Variants in MED13 observed in about 807,000 individuals in gnomAD.
MED13 encodes the protein mediator complex subunit 13.
In MED13, 23 loss-of-function variants were observed where a neutral mutation model predicts 225.2. The ratio of observed to expected loss-of-function variants is 0.10; its 90% CI spans 0.07 to 0.14. The LOEUF is 0.14. Among genes scored for constraint, MED13 ranks in the 10% least tolerant of loss-of-function variants. The pLI, the probability that MED13 is intolerant of heterozygous loss-of-function variation, is 1.00. For missense variants in MED13, 2,197 were observed against 2,594.5 expected, an observed-to-expected ratio of 0.85 and a Z score of 3.33; for synonymous variants, 942 against 889.2, an observed-to-expected ratio of 1.06 and a Z score of -1.06.
At chr17:61,992,702 T>C in intron 10 of MED13, 81 bp from the exon 11 acceptor site, 1 of 924,920 alleles carries the variant, frequency 1.1e-6, no homozygotes, top group Non-Finnish European at 1.8e-6. Flanking sequence ...GAGCTGTGTG[T>C]CAGGCATCCA....
rs2080738995 is a variant in MED13 at position 62,029,935 on chromosome 17, T to A, written c.1088A>T (p.His363Leu). 5.6e-6 allele frequency: 9 copies of A among 1,613,942 alleles called. No individual in the cohort carries two copies. Among genetic ancestry groups the A allele is most frequent in the Non-Finnish European group, 7.6e-6 (9 of 1,180,008 alleles). The change falls in exon 7 of 30, where the codon CAT (histidine) becomes CTT (leucine). Residue 363 changes from histidine to leucine, a missense_variant. His to Leu is a moderately conservative substitution (Grantham distance 99). Around this residue, in one of 12 missense-constraint regions of MED13, gnomAD observed 884 missense variants for 918.5 expected, o/e 0.96. Transcript: ENST00000397786. ...DGFNSDSTSH[H>L]GGKIPRKLAN... ...TAATTTTCTGGGTATTTTCCCACCA[T>A]GGTGGCTAGTACTATCGGAGTTGAA...
In MED13 at chr17:61,950,836, G is replaced by T; in HGVS notation, c.6280C>A (p.Leu2094Ile). 1 of 1,610,310 alleles carries T rather than the reference G, an allele frequency of 6.2e-7. No individual in the cohort carries two copies. The highest frequency in any genetic ancestry group is 8.5e-7 in the Non-Finnish European group (1 of 1,178,216). The change falls in exon 28 of 30, where the codon CTT (leucine) becomes ATT (isoleucine). Residue 2094 changes from leucine to isoleucine, a missense_variant. Transcript: ENST00000397786. ...AGAAATGGCAATACCTTAAGAAAAAGGGGACACTGATATTGTGCTTGAGGA... is the reference window on the plus strand; with the variant it reads ...AGAAATGGCAATACCTTAAGAAAAATGGGACACTGATATTGTGCTTGAGGA... ...ACPQAQYQCP[L>I]FLKASLHLHV... is the part of the protein sequence containing the mutation.
intron 8 of MED13, among the ~76,000 whole-genome samples, chr17:62,014,717 G>A (rs559670496): frequency 1.5e-3 from 225 of 152,262 alleles, no homozygotes; most frequent in Non-Finnish European, 2.7e-3. Flanking sequence ...CTGGAATGCA[G>A]TACAATCATA....
chr17:61,944,417 CATA>C lies in MED13; in HGVS notation c.*2048_*2050del, dbSNP rs1243522133. The C allele has an allele frequency of 6.8e-6, 1 of 147,206 alleles. No individual in the cohort carries two copies. The highest frequency in any genetic ancestry group is 1.5e-5 in the Non-Finnish European group (1 of 67,250). 9.1% of individuals were successfully genotyped at this position (147,206 alleles called of 1,614,324 possible). On this transcript the variant is annotated 3_prime_UTR_variant, in exon 30 of 30. Coordinates refer to ENST00000397786, the MANE Select transcript of MED13 (RefSeq NM_005121.3). The stretch of plus-strand genomic sequence containing the variant: ...GAAAGTACAGAACAAAACATACCAA[CATA>C]ATGTGTGGTGTATTAGCATAATTTA...
At position 61,982,634 on chromosome 17, in the gene MED13, G is replaced by A. The variant is rs1156683608; in HGVS notation, c.3369C>T (p.Thr1123=). Reference sequence around the variant, plus strand: ...TGTTCATGACAGCACTGAAGCCACAGGTACACCTATATTGTGCTTCCTGCG... The same window carrying A: ...TGTTCATGACAGCACTGAAGCCACAAGTACACCTATATTGTGCTTCCTGCG... ...DPTQEAQYRC[T]CGFSAVMNRK... is the part of the protein sequence containing the mutation. Residue 1123 remains threonine, a synonymous_variant, in exon 16 of 30, where the codon ACC becomes ACT. Transcript: ENST00000397786. The A allele has an allele frequency of 1.9e-6, 3 of 1,614,112 alleles. No individual in the cohort carries two copies. Among genetic ancestry groups the A allele is most frequent in the South Asian group, 1.1e-5 (1 of 91,078 alleles).
chr17:62,044,626 T>A (rs2080882935), intron 3 of MED13, among the ~76,000 whole-genome samples: 1 of 152,244 alleles, frequency 6.6e-6, no homozygotes, highest in African/African-American at 2.4e-5. Flanking sequence ...CATAATGTAA[T>A]ATAGACATAC....
intron 20 of MED13, among the ~76,000 whole-genome samples, chr17:61,963,887 G>C (rs1239895086): frequency 6.6e-6 from 1 of 152,176 alleles, no homozygotes; most frequent in Admixed American, 6.5e-5. Flanking sequence ...AATGAGAGCT[G>C]TCATAATCAT....
At chr17:61,996,940 C>T (rs2080351930) in intron 9 of MED13, among the ~76,000 whole-genome samples, 1 of 152,160 alleles carries the variant, frequency 6.6e-6, no homozygotes, top group South Asian at 2.1e-4. Flanking sequence ...CTAAAAATCA[C>T]AGACTGAGAT....
Position 61,947,135 on chromosome 17 carries a change from T to G in MED13, c.6292-118A>C. The G allele has an allele frequency of 1.1e-5, 7 of 626,032 alleles. No individual in the cohort carries two copies. In the East Asian group the frequency reaches 2.1e-4, roughly 18 times the overall value. The allele number at this position is 626,032 out of a possible 1,614,324, so 38.8% of individuals were successfully genotyped here. ...GATGAAATACATTTTAGTCCTATGT[T>G]ATGAATGAAAGCCACTATAAAAATG... On this transcript the variant is annotated intron_variant, in intron 28 of 29. Coordinates refer to ENST00000397786, the MANE Select transcript of MED13 (RefSeq NM_005121.3).
intron 11 of MED13, among the ~76,000 whole-genome samples, chr17:61,990,114 T>C (rs1204675043): frequency 6.6e-6 from 1 of 152,192 alleles, no homozygotes; most frequent in Non-Finnish European, 1.5e-5. Context: ...ATGACTTACT[T>C]TGCCCACATC....
In MED13 at chr17:62,035,478, T is replaced by A. The variant is rs760488104; in HGVS notation, c.601A>T (p.Asn201Tyr). 6.2e-7 allele frequency: 1 copy of A among 1,609,746 alleles called. No individual in the cohort carries two copies. Among genetic ancestry groups the A allele is most frequent in the Non-Finnish European group, 8.5e-7 (1 of 1,178,146 alleles). The part of the protein sequence containing the change: ...EEHITLAQQS[N>Y]SPFQVILCPF... ...AATAATCTACCTTGAAATGGGCTAT[T>A]AGACTGTTGAGCAAGGGTGATATGC... is the stretch of plus-strand genomic sequence containing the variant. The change falls in exon 4 of 30, where the codon AAT (asparagine) becomes TAT (tyrosine). Residue 201 changes from asparagine (N) to tyrosine (Y), a missense_variant. Asn to Tyr is a moderately radical substitution (Grantham distance 143). Coordinates refer to ENST00000397786, the MANE Select transcript of MED13 (RefSeq NM_005121.3).
chr17:61,952,885 T>A, intron 27 of MED13, 80 bp downstream of exon 27: 1 of 1,479,466 alleles, frequency 6.8e-7, no homozygotes, highest in South Asian at 1.3e-5. Flanking sequence ...TCCACCTGCT[T>A]CGCCCTCCCA....
chr17:62,060,873 T>C (rs1372233858), intron 2 of MED13, among the ~76,000 whole-genome samples: 1 of 151,902 alleles, frequency 6.6e-6, no homozygotes, highest in Non-Finnish European at 1.5e-5. Flanking sequence ...CTAATTTTTG[T>C]GTCTTCAGTA....
At chr17:62,018,282 ATAT>A in intron 8 of MED13, among the ~76,000 whole-genome samples, 1 of 152,246 alleles carries the variant, frequency 6.6e-6, no homozygotes, top group Non-Finnish European at 1.5e-5. Context: ...GAGATGAAAA[ATAT>A]TATTTTTCAA....
chr17:62,019,111 T>C (rs549071428), intron 8 of MED13, among the ~76,000 whole-genome samples: 58 of 152,204 alleles, frequency 3.8e-4, no homozygotes, highest in Non-Finnish European at 7.3e-4. Flanking sequence ...CTCTCTTCCC[T>C]TCTCCAATTG....
intron 24 of MED13, 69 bp from the exon 25 acceptor site, chr17:61,955,907 C>T: frequency 7.1e-7 from 1 of 1,403,408 alleles, no homozygotes; most frequent in South Asian, 1.7e-5. Context: ...TATTAATATC[C>T]TGTAGAACCA....
At position 61,995,623 on chromosome 17, in the gene MED13, C is replaced by T. The variant is rs192080573; in HGVS notation, c.1968-258G>A. On this transcript the variant is annotated intron_variant, in intron 9 of 29. Coordinates refer to ENST00000397786, the MANE Select transcript of MED13 (RefSeq NM_005121.3). ...AAATATGTTGTCTTTAGGTAATTCA[C>T]GGTTTAGGTAACTCACGGTTCTCAA... Among the ~76,000 whole-genome samples the T allele has an allele frequency of 3.9e-5, 6 of 152,212 alleles. No individual in the cohort carries two copies. The East Asian group carries it at 9.6e-4, about 24-fold the overall frequency.
In MED13 at chr17:62,010,872, T is replaced by C. The variant is rs921336690; in HGVS notation, c.1645A>G (p.Thr549Ala). The change falls in exon 9 of 30, where the codon ACT becomes GCT. Residue 549 changes from threonine (T) to alanine (A), a missense_variant. This residue lies in a region of MED13 where 884 missense variants were observed against 918.5 expected (regional missense o/e 0.96). Coordinates refer to ENST00000397786, the MANE Select transcript of MED13 (RefSeq NM_005121.3). ...CTCTGAGGAGTTGAAGGTGTTTTAG[T>C]CACTCCTTCATCAACCACATCACAA... ...HPCDVVDEGV[T>A]KTPSTPQSQH... is the part of the protein sequence containing the mutation. 1.2e-6 allele frequency: 2 copies of C among 1,614,106 alleles called. No individual in the cohort carries two copies. The highest frequency in any genetic ancestry group is 2.7e-5 in the African/African-American group (2 of 74,934).
Position 62,063,156 on chromosome 17 carries a change from C to T in MED13, c.212G>A (p.Arg71Gln), listed in dbSNP as rs928823825. The T allele has an allele frequency of 3.1e-6, 5 of 1,614,160 alleles. No individual in the cohort carries two copies. Among genetic ancestry groups the T allele is most frequent in the Middle Eastern group, 1.6e-4 (1 of 6,062 alleles). Reference protein sequence around the residue: ...LKADVLGVWRRDQRPGRRELW... With the variant: ...LKADVLGVWRQDQRPGRRELW... ...TTCTCTTCTTCCAGGTCTTTGATCT[C>T]GCCGCCAAACACCAAGTACATCTGC... The change falls in exon 2 of 30, where the codon CGA becomes CAA. Residue 71 changes from arginine to glutamine, a missense_variant. By Grantham distance (43) the Arg-to-Gln change is conservative. Transcript: ENST00000397786.
Sources: gnomAD v4.1 joint callset for allele counts (sites outside exome capture counted in the v4.1 genomes callset) on GRCh38, gnomAD v4.1.1 for gene constraint, gnomAD v4.1.1 regional missense constraint, MANE v1.5 for transcripts, NCBI Gene and HGNC (gene_info 2026-07-23, HGNC 2026-07-21) for gene names.